Variants in UCHL1 observed in about 807,000 individuals in gnomAD.
UCHL1 encodes ubiquitin C-terminal hydrolase L1.
In UCHL1, 5 loss-of-function variants were observed where a neutral mutation model predicts 33.3. The ratio of observed to expected loss-of-function variants is 0.15; its 90% CI spans 0.08 to 0.32. UCHL1 has a LOEUF of 0.32. Ranked by LOEUF, UCHL1 falls within the 10% of genes least tolerant of loss-of-function variation. UCHL1 has a pLI of 1.00. For synonymous variants in UCHL1, 132 were observed against 108.8 expected, an observed-to-expected ratio of 1.21 and a Z score of -1.33; for missense variants, 236 against 280.0, an observed-to-expected ratio of 0.84 and a Z score of 1.12.
intron 2 of UCHL1, 102 bp from the exon 3 acceptor site, chr4:41,257,507 G>A: frequency 7.4e-7 from 1 of 1,349,154 alleles, no homozygotes; most frequent in Non-Finnish European, 9.5e-7. Context: ...CCCAGGCTCG[G>A]GTGCGGGCGC....
In UCHL1 at chr4:41,260,278, G is replaced by GTGA. The variant is rs144525354; in HGVS notation, c.175-368_175-366dup. ...CTGAAGCTTGATTTAGGATGCCTAT[G>GTGA]TGAAATAGTTGTTAAGTGTTAAAGG... On this transcript the variant is annotated intron_variant, in intron 3 of 8. Coordinates refer to ENST00000284440, the MANE Select transcript of UCHL1 (RefSeq NM_004181.5). Among the ~76,000 whole-genome samples the GTGA allele has an allele frequency of 5.7e-3, 867 of 152,344 alleles. 12 individuals carry two copies. Among genetic ancestry groups the GTGA allele is most frequent in the African/African-American group, 0.02 (842 of 41,576 alleles).
chr4:41,257,309 C>T (rs1453879100), intron 2 of UCHL1, 183 bp downstream of exon 2: 21 of 1,106,646 alleles, frequency 1.9e-5, no homozygotes, highest in Non-Finnish European at 2.5e-5. Context: ...CTCTACGAAA[C>T]CGGTCACGGG....
intron 3 of UCHL1, among the ~76,000 whole-genome samples, chr4:41,258,896 C>T (rs1273775379): frequency 6.6e-6 from 1 of 152,208 alleles, no homozygotes; most frequent in African/African-American, 2.4e-5. Flanking sequence ...GAATTAGCTT[C>T]CTGGTTGACC....
At position 41,257,790 on chromosome 4, in the gene UCHL1, C is replaced by G. The variant is rs1580923150; in HGVS notation, c.174+53C>G. On this transcript the variant is annotated intron_variant, in intron 3 of 8. Transcript: ENST00000284440. ...GCCGCCGGCAGTGCACGCCGCTCCC[C>G]AGCTTGAGTCCTCGGGGGCTCCCCG... The G allele has an allele frequency of 1.4e-5, 22 of 1,531,124 alleles. No homozygotes were observed. In the East Asian group the frequency reaches 5.4e-4, roughly 38 times the overall value. 94.8% of individuals were successfully genotyped at this position (1,531,124 alleles called of 1,614,324 possible). A position where few individuals can be genotyped will look rare whatever the true frequency, so the allele number is the denominator to read the frequency against.
intron 6 of UCHL1, among the ~76,000 whole-genome samples, 163 bp downstream of exon 6, chr4:41,262,086 TA>T (rs36070748): frequency 0.19 from 29,558 of 152,120 alleles, 3,441 homozygotes; most frequent in East Asian, 0.52. Context: ...GACCTGTTCA[TA>T]AAAAAAGTTT....
At chr4:41,263,420 T>C in intron 7 of UCHL1, 129 bp downstream of exon 7, 1 of 957,666 alleles carries the variant, frequency 1.0e-6, no homozygotes, top group Non-Finnish European at 1.7e-6. Flanking sequence ...AATAACAAAG[T>C]ATTCTCATGA....
Position 41,256,955 on chromosome 4 carries a change from T to A in UCHL1, c.-22T>A. ...CTGTTTTTCGTCTTCCCTAGGCTATTTCTGCCGGGCGCTCCGCGAAGATGC... is the reference window on the plus strand; with the variant it reads ...CTGTTTTTCGTCTTCCCTAGGCTATATCTGCCGGGCGCTCCGCGAAGATGC... On this transcript the variant is annotated 5_prime_UTR_variant, in exon 1 of 9. Coordinates refer to ENST00000284440, the MANE Select transcript of UCHL1 (RefSeq NM_004181.5). 5 of 1,614,144 alleles carry A rather than the reference T, an allele frequency of 3.1e-6. 1 individual carries two copies. The South Asian group carries it at 4.4e-5, about 14-fold the overall frequency.
intron 8 of UCHL1, among the ~76,000 whole-genome samples, chr4:41,267,325 G>C (rs996095545): frequency 2.0e-5 from 3 of 152,064 alleles, no homozygotes; most frequent in African/African-American, 7.2e-5. Context: ...CTCACTGCAA[G>C]CTCCGCCTCC....
At chr4:41,260,515 G>A in intron 3 of UCHL1, 132 bp from the exon 4 acceptor site, 2 of 1,144,672 alleles carry the variant, frequency 1.7e-6, no homozygotes, top group Non-Finnish European at 2.5e-6. Flanking sequence ...CTGGGAGTCA[G>A]CCAACATCTA....
At chr4:41,267,755 A>G (rs1263127527) in intron 8 of UCHL1, among the ~76,000 whole-genome samples, 1 of 152,140 alleles carries the variant, frequency 6.6e-6, no homozygotes, top group Non-Finnish European at 1.5e-5. Flanking sequence ...ACCAGGTACA[A>G]AGTGAGAGAA....
intron 3 of UCHL1, 25 bp from the exon 4 acceptor site, chr4:41,260,622 G>C: frequency 6.2e-7 from 1 of 1,613,812 alleles, no homozygotes; most frequent in Admixed American, 1.7e-5. Context: ...ATTCTGAGAT[G>C]TAAAAACGCT....
chr4:41,265,728 C>T (rs926556097), intron 8 of UCHL1, among the ~76,000 whole-genome samples: 7 of 152,180 alleles, frequency 4.6e-5, no homozygotes, highest in African/African-American at 1.4e-4. Flanking sequence ...CATTATGCCA[C>T]TCTTAATAGG....
intron 4 of UCHL1, among the ~76,000 whole-genome samples, chr4:41,261,320 C>T (rs1027464072): frequency 6.6e-6 from 1 of 152,150 alleles, no homozygotes; most frequent in African/African-American, 2.4e-5. Context: ...TTCTTAGATG[C>T]TGTAGATACA....
chr4:41,257,164 C>A (rs375632179), intron 2 of UCHL1, 38 bp downstream of exon 2: 19 of 1,611,386 alleles, frequency 1.2e-5, no homozygotes, highest in Admixed American at 1.7e-5. Flanking sequence ...CCCCCTCCCC[C>A]GCGAGCGCCG....
intron 8 of UCHL1, among the ~76,000 whole-genome samples, chr4:41,265,686 A>G (rs140533576): frequency 4.8e-4 from 73 of 152,350 alleles, no homozygotes; most frequent in South Asian, 4.1e-4. Context: ...GGAACTTCAC[A>G]GACCTGATAG....
At chr4:41,264,031 A>T (rs1781115357) in intron 7 of UCHL1, 72 bp from the exon 8 acceptor site, 1 of 1,598,234 alleles carries the variant, frequency 6.3e-7, no homozygotes, top group Non-Finnish European at 8.6e-7. Context: ...TAAAACTTCC[A>T]TCTAGGCTAG....
At position 41,268,269 on chromosome 4, in the gene UCHL1, G is replaced by T; in HGVS notation, c.*196G>T. The T allele has an allele frequency of 1.6e-6, 1 of 623,548 alleles. No homozygotes were observed. Among genetic ancestry groups the T allele is most frequent in the Non-Finnish European group, 2.9e-6 (1 of 348,130 alleles). The allele number at this position is 623,548 out of a possible 1,614,324, so 38.6% of individuals were successfully genotyped here. A position where few individuals can be genotyped will look rare whatever the true frequency, so the allele number is the denominator to read the frequency against. On this transcript the variant is annotated 3_prime_UTR_variant, in exon 9 of 9. Coordinates refer to ENST00000284440, the MANE Select transcript of UCHL1 (RefSeq NM_004181.5). Reference sequence around the variant, plus strand: ...CACAGCTGTCCACTGGGCCATTGTGGTGTGAGCTTCAGATGGTGAAGCATT... The same window carrying T: ...CACAGCTGTCCACTGGGCCATTGTGTTGTGAGCTTCAGATGGTGAAGCATT...
intron 3 of UCHL1, among the ~76,000 whole-genome samples, chr4:41,259,242 C>T (rs1781033166): frequency 1.3e-5 from 2 of 152,284 alleles, no homozygotes; most frequent in South Asian, 4.1e-4. Flanking sequence ...AGGTTGACTC[C>T]AAAGATGCTA....
chr4:41,260,450 CAG>C (rs1203992853), intron 3 of UCHL1, among the ~76,000 whole-genome samples, 195 bp from the exon 4 acceptor site: 2 of 152,212 alleles, frequency 1.3e-5, no homozygotes, highest in African/African-American at 4.8e-5. Flanking sequence ...CCGAACCTCT[CAG>C]AGCCCCACTG....
Sources: gnomAD v4.1 joint callset for allele counts (sites outside exome capture counted in the v4.1 genomes callset) on GRCh38, gnomAD v4.1.1 for gene constraint, MANE v1.5 for transcripts, NCBI Gene and HGNC (gene_info 2026-07-23, HGNC 2026-07-21) for gene names.